Variants in ARHGEF2 observed in about 807,000 individuals in gnomAD.
The protein encoded by ARHGEF2 is rho guanine nucleotide exchange factor 2.
In ARHGEF2, 22 loss-of-function variants were observed where a neutral mutation model predicts 121.0. The observed-to-expected ratio is 0.18, with a 90% CI of 0.13 to 0.26. The LOEUF is 0.26. ARHGEF2 is among the 10% of genes least tolerant of loss of function. The probability of loss-of-function intolerance (pLI) is 1.00; values close to 1 mark genes in which losing one functional copy is unlikely to be tolerated. For synonymous variants in ARHGEF2, 487 were observed against 530.0 expected, an observed-to-expected ratio of 0.92 and a Z score of 1.11; for missense variants, 907 against 1,336.0, an observed-to-expected ratio of 0.68 and a Z score of 5.01.
Position 155,950,751 on chromosome 1 carries a change from C to T in ARHGEF2, c.2703+78G>A. 1 of 1,416,280 alleles carries T rather than the reference C, an allele frequency of 7.1e-7. No homozygotes were observed. The highest frequency in any genetic ancestry group is 9.6e-7 in the Non-Finnish European group (1 of 1,044,100). The allele number at this position is 1,416,280 out of a possible 1,614,324, so 87.7% of individuals were successfully genotyped here. A position where few individuals can be genotyped will look rare whatever the true frequency, so the allele number is the denominator to read the frequency against. ...ACTGATTGCATTTGGGCTCAAATCC[C>T]CAATGGCCCAATTTCTTTCGGGCTC... is the stretch of plus-strand genomic sequence containing the variant. On this transcript the variant is annotated intron_variant, in intron 20 of 21. Transcript: ENST00000361247. This position sits in a 1 kb window ranked among gnomAD's most constrained non-coding sequence, Gnocchi z 5.2.
At chr1:155,977,222 G>A (rs990349170) in intron 1 of ARHGEF2, among the ~76,000 whole-genome samples, 1 of 152,142 alleles carries the variant, frequency 6.6e-6, no homozygotes, top group Non-Finnish European at 1.5e-5. Flanking sequence ...CTGATAATGG[G>A]TACAGTGCGG....
At chr1:155,966,355 T>G in intron 4 of ARHGEF2, 61 bp downstream of exon 4, 4 of 1,543,902 alleles carry the variant, frequency 2.6e-6, no homozygotes, top group Non-Finnish European at 3.6e-6. Context: ...GCAGAGCCCA[T>G]GGGTTGAGCA....
At chr1:155,957,975 C>T in intron 12 of ARHGEF2, 93 bp from the exon 13 acceptor site, 4 of 1,316,780 alleles carry the variant, frequency 3.0e-6, no homozygotes, top group South Asian at 1.5e-5. Flanking sequence ...ACTGAAAGGA[C>T]TGAAGAGTCA....
chr1:155,964,213 TA>T (rs1343166653), intron 7 of ARHGEF2, among the ~76,000 whole-genome samples: 69 of 134,930 alleles, frequency 5.1e-4, no homozygotes, highest in East Asian at 3.5e-3. Context: ...TATATATATA[TA>T]TATTTTTTTT....
In ARHGEF2 at chr1:155,950,773, G is replaced by A. The variant is rs943390941; in HGVS notation, c.2703+56C>T. The A allele has an allele frequency of 1.3e-6, 2 of 1,489,292 alleles. No homozygotes were observed. The highest frequency in any genetic ancestry group is 1.8e-6 in the Non-Finnish European group (2 of 1,110,556). The allele number at this position is 1,489,292 out of a possible 1,614,324, so 92.3% of individuals were successfully genotyped here. A position where few individuals can be genotyped will look rare whatever the true frequency, so the allele number is the denominator to read the frequency against. ...TCCCCAATGGCCCAATTTCTTTCGG[G>A]CTCCATGGACCCTTATGTCCACCCC... On this transcript the variant is annotated intron_variant, in intron 20 of 21. Coordinates refer to ENST00000361247, the MANE Select transcript of ARHGEF2 (RefSeq NM_001162383.2). This position sits in a 1 kb window ranked among gnomAD's most constrained non-coding sequence, Gnocchi z 5.2.
At chr1:155,954,558 G>A (rs181458497) in intron 14 of ARHGEF2, among the ~76,000 whole-genome samples, 89 of 150,424 alleles carry the variant, frequency 5.9e-4, no homozygotes, top group Middle Eastern at 3.4e-3. Context: ...AAAGTGCTGG[G>A]ATTACAGGCG....
rs1485990785 is a variant in ARHGEF2, at chr1:155,978,281, G to A, written c.63+84C>T. 2.9e-6 allele frequency: 4 copies of A among 1,374,622 alleles called. No individual in the cohort carries two copies. Among genetic ancestry groups the A allele is most frequent in the Non-Finnish European group, 3.8e-6 (4 of 1,041,514 alleles). 85.2% of individuals were successfully genotyped at this position (1,374,622 alleles called of 1,614,324 possible). A position where few individuals can be genotyped will look rare whatever the true frequency, so the allele number is the denominator to read the frequency against. ...GATTTTGGCGCCCAGAAAGCAGGCGGGGAGACAGGAGATGCACCGCGGGTG... is the reference window on the plus strand; with the variant it reads ...GATTTTGGCGCCCAGAAAGCAGGCGAGGAGACAGGAGATGCACCGCGGGTG... On this transcript the variant is annotated intron_variant, in intron 1 of 21. Transcript: ENST00000361247. This position sits in a 1 kb window ranked among gnomAD's most constrained non-coding sequence, Gnocchi z 4.1.
chr1:155,960,369 T>A (rs1677635029), intron 11 of ARHGEF2, among the ~76,000 whole-genome samples: 1 of 151,660 alleles, frequency 6.6e-6, no homozygotes, highest in Admixed American at 6.6e-5. Context: ...CTCAGGAGTC[T>A]AAGGCAGAAG....
chr1:155,952,600 C>G (rs542411787), intron 15 of ARHGEF2, 28 bp downstream of exon 15: 1 of 1,594,288 alleles, frequency 6.3e-7, no homozygotes, highest in African/African-American at 1.3e-5. Context: ...GTGCTTGAGC[C>G]TGGACTCTTC....
In ARHGEF2 at chr1:155,947,354, A is replaced by C; in HGVS notation, c.*588T>G. The C allele has an allele frequency of 2.2e-6, 1 of 456,598 alleles. No individual in the cohort carries two copies. The highest frequency in any genetic ancestry group is 1.5e-5 in the South Asian group (1 of 64,564). The allele number at this position is 456,598 out of a possible 1,614,324, so 28.3% of individuals were successfully genotyped here. A position where few individuals can be genotyped will look rare whatever the true frequency, so the allele number is the denominator to read the frequency against. ...CAACCTTTATTCCATCAACTCCAGG[A>C]AGCCAGGTTATCTCCCAGGGCTTCC... On this transcript the variant is annotated 3_prime_UTR_variant, in exon 22 of 22. Coordinates refer to ENST00000361247, the MANE Select transcript of ARHGEF2 (RefSeq NM_001162383.2).
At chr1:155,975,312 CCTT>C (rs1182752583) in intron 1 of ARHGEF2, among the ~76,000 whole-genome samples, 1 of 152,146 alleles carries the variant, frequency 6.6e-6, no homozygotes, top group Admixed American at 6.5e-5. Context: ...TCTGTCCCCT[CCTT>C]GATTCCAAGG....
Position 155,955,693 on chromosome 1 carries a change from C to T in ARHGEF2, c.1716-724G>A, listed in dbSNP as rs533099309. Among the ~76,000 whole-genome samples the T allele has an allele frequency of 1.8e-4, 28 of 152,214 alleles. No homozygotes were observed. The South Asian group carries it at 5.8e-3, about 32-fold the overall frequency. ...TAACAGAAGCTCAACAAATCAATTACAATTAATATTATTAATTTCCACAAT... is the reference window on the plus strand; with the variant it reads ...TAACAGAAGCTCAACAAATCAATTATAATTAATATTATTAATTTCCACAAT... On this transcript the variant is annotated intron_variant, in intron 13 of 21. Transcript: ENST00000361247.
Position 155,952,823 on chromosome 1 carries a change from A to T in ARHGEF2, c.1789T>A (p.Leu597Met). The T allele has an allele frequency of 1.9e-6, 3 of 1,613,934 alleles. No homozygotes were observed. The South Asian group carries it at 3.3e-5, about 18-fold the overall frequency. ...ACCAGTGCCCGGTCCTTCTGCTGCA[A>T]CTCCACTGCAGATAAGGAACAAGTG... is the stretch of plus-strand genomic sequence containing the variant. ...EAYLRRIKME[L>M]QQKDRALVEL... The change falls in exon 15 of 22, where the codon TTG becomes ATG. Residue 597 changes from leucine to methionine, a missense_variant. Around this residue, in one of 2 missense-constraint regions of ARHGEF2, gnomAD observed 432 missense variants for 559.5 expected, o/e 0.77. Coordinates refer to ENST00000361247, the MANE Select transcript of ARHGEF2 (RefSeq NM_001162383.2).
intron 11 of ARHGEF2, among the ~76,000 whole-genome samples, chr1:155,960,468 TA>T (rs1248773492): frequency 2.4e-3 from 186 of 77,788 alleles, no homozygotes; most frequent in Admixed American, 4.2e-3. Context: ...ACCCTGTTTC[TA>T]AAAAAAAAAA....
rs1436355074 is a variant in ARHGEF2 at position 155,951,202 on chromosome 1, A to G, written c.2330T>C (p.Leu777Pro). Residue 777 changes from leucine (L) to proline (P), a missense_variant, in exon 20 of 22, where the codon CTG (leucine) becomes CCG (proline). Physicochemically the swap from Leu to Pro is moderately conservative, Grantham distance 98. Transcript: ENST00000361247. This position sits in a 1 kb window ranked among gnomAD's most constrained non-coding sequence, Gnocchi z 5.1. ...CCCATCCCGAGAGTTGGCTCGGCACAGCTTCTCCCGCCGCTCAGGGCCCTC... is the reference window on the plus strand; with the variant it reads ...CCCATCCCGAGAGTTGGCTCGGCACGGCTTCTCCCGCCGCTCAGGGCCCTC... ...FPEGPERREKLCRANSRDGEA... is the reference protein window; with the variant it reads ...FPEGPERREKPCRANSRDGEA... 1.2e-6 allele frequency: 2 copies of G among 1,607,988 alleles called. No individual in the cohort carries two copies. The highest frequency in any genetic ancestry group is 1.7e-5 in the Admixed American group (1 of 59,540).
intron 1 of ARHGEF2, among the ~76,000 whole-genome samples, chr1:155,977,412 A>G (rs1681486351): frequency 6.6e-6 from 1 of 152,132 alleles, no homozygotes; most frequent in Non-Finnish European, 1.5e-5. Context: ...GGAGTGGCCA[A>G]GAGGTCATGA....
At position 155,962,042 on chromosome 1, in the gene ARHGEF2, C is replaced by G. The variant is rs996704547; in HGVS notation, c.1219+63G>C. 4 of 1,606,758 alleles carry G rather than the reference C, an allele frequency of 2.5e-6. No homozygotes were observed. Among genetic ancestry groups the G allele is most frequent in the South Asian group, 1.1e-5 (1 of 90,796 alleles). ...GACCCCACCCTTCCTGTGGTCATAC[C>G]GAGCCTTTCCTCACCCCAGGTGGCC... On this transcript the variant is annotated intron_variant, in intron 10 of 21. Transcript: ENST00000361247. The surrounding 1 kb of genome is among the most constrained non-coding windows in gnomAD (Gnocchi z 5.8).
chr1:155,956,239 C>G (rs1255864962), intron 13 of ARHGEF2, among the ~76,000 whole-genome samples: 1 of 152,064 alleles, frequency 6.6e-6, no homozygotes, highest in African/African-American at 2.4e-5. Flanking sequence ...ACTGGGATTA[C>G]AAGCTTATGC....
intron 11 of ARHGEF2, among the ~76,000 whole-genome samples, chr1:155,959,271 C>A (rs1244889114): frequency 6.6e-6 from 1 of 151,934 alleles, no homozygotes; most frequent in Admixed American, 6.6e-5. Context: ...TTTTTTGAGA[C>A]GGAGTCTCAC....
Sources: gnomAD v4.1 joint callset for allele counts (sites outside exome capture counted in the v4.1 genomes callset) on GRCh38, gnomAD v4.1.1 for gene constraint, gnomAD v4.1.1 regional missense constraint, Gnocchi (gnomAD v3.1) non-coding constraint, MANE v1.5 for transcripts, NCBI Gene and HGNC (gene_info 2026-07-23, HGNC 2026-07-21) for gene names.